PARD3B: variants seen among roughly 807,000 people sequenced by gnomAD.
The protein encoded by PARD3B is par-3 family cell polarity regulator beta.
Under a neutral mutation model 130.2 loss-of-function variants are expected in PARD3B, and 103 were observed. The ratio of observed to expected loss-of-function variants is 0.79; its 90% CI spans 0.67 to 0.93. PARD3B has a LOEUF of 0.93. Among genes scored for constraint, PARD3B ranks in the 40% least tolerant of loss-of-function variants. The pLI, the probability that PARD3B is intolerant of heterozygous loss-of-function variation, is 0.00. For synonymous variants in PARD3B, 583 were observed against 553.2 expected (o/e 1.05, Z -0.76); for missense variants, 1,609 against 1,499.2 (o/e 1.07, Z -1.21).
chr2:205,023,468 T>C (rs1238955890), intron 3 of PARD3B, among the ~76,000 whole-genome samples: 2 of 151,430 alleles, frequency 1.3e-5, no homozygotes, highest in African/African-American at 2.4e-5. Context: ...TTTTTTTTTT[T>C]TTTTTGGTAA....
intron 1 of PARD3B, among the ~76,000 whole-genome samples, chr2:204,602,309 G>A (rs1038237723): frequency 3.3e-5 from 5 of 151,858 alleles, no homozygotes; most frequent in Non-Finnish European, 5.9e-5. Flanking sequence ...GGTGTGTCTC[G>A]TCCAAGATGT....
chr2:205,500,942 C>A (rs2050136649), intron 21 of PARD3B, among the ~76,000 whole-genome samples: 1 of 152,176 alleles, frequency 6.6e-6, no homozygotes, highest in African/African-American at 2.4e-5. Context: ...ACTCTGTTAT[C>A]CCCGGTGCCC....
At chr2:205,486,357 C>T (rs2049442180) in intron 20 of PARD3B, among the ~76,000 whole-genome samples, 1 of 152,176 alleles carries the variant, frequency 6.6e-6, no homozygotes, top group South Asian at 2.1e-4. Flanking sequence ...CACTTTGCAT[C>T]TAGGCTAATG....
At chr2:204,941,221 A>G (rs993068702) in intron 2 of PARD3B, among the ~76,000 whole-genome samples, 2 of 152,202 alleles carry the variant, frequency 1.3e-5, no homozygotes, top group Admixed American at 6.5e-5. Flanking sequence ...TAAAAATACA[A>G]AAATTAGCAG....
At chr2:205,362,833 T>C (rs929964790) in intron 18 of PARD3B, among the ~76,000 whole-genome samples, 3 of 152,246 alleles carry the variant, frequency 2.0e-5, no homozygotes, top group Admixed American at 2.0e-4. Context: ...CCGGCTTGCC[T>C]GACTTCTGCT....
chr2:205,568,060 A>G lies in PARD3B; in HGVS notation c.3260+14657A>G, dbSNP rs530127557. 4.6e-5 allele frequency among the ~76,000 whole-genome samples: 7 copies of G among 152,290 alleles called. No homozygotes were observed. Among genetic ancestry groups the G allele is most frequent in the African/African-American group, 1.7e-4 (7 of 41,572 alleles). ...CCCAGCACTTCTTCCTGTCCAGTGC[A>G]CTGGTAACAGAAGCCTCAAGCCAGG... On this transcript the variant is annotated intron_variant, in intron 22 of 22. Transcript: ENST00000406610. The surrounding 1 kb of genome is among the most constrained non-coding windows in gnomAD (Gnocchi z 5.3).
At chr2:204,618,986 C>T (rs1320089665) in intron 1 of PARD3B, among the ~76,000 whole-genome samples, 2 of 152,100 alleles carry the variant, frequency 1.3e-5, no homozygotes, top group Non-Finnish European at 2.9e-5. Context: ...TTCCATCTGT[C>T]TTTACATTAG....
At position 205,078,403 on chromosome 2, in the gene PARD3B, T is replaced by C. The variant is rs1351873278; in HGVS notation, c.505-26023T>C. ...TATGTTTTCAGGTGAGAGTATTTCT[T>C]TTCTAAAGATAGACCAAAGACCCAC... is the stretch of plus-strand genomic sequence containing the variant. On this transcript the variant is annotated intron_variant, in intron 4 of 22. Coordinates refer to ENST00000406610, the MANE Select transcript of PARD3B (RefSeq NM_001302769.2). This position sits in a 1 kb window ranked among gnomAD's most constrained non-coding sequence, Gnocchi z 4.0. Among the ~76,000 whole-genome samples the C allele has an allele frequency of 6.6e-6, 1 of 152,230 alleles. No homozygotes were observed. Among genetic ancestry groups the C allele is most frequent in the Non-Finnish European group, 1.5e-5 (1 of 68,038 alleles).
intron 20 of PARD3B, among the ~76,000 whole-genome samples, chr2:205,475,755 C>A (rs1218866757): frequency 6.6e-6 from 1 of 152,134 alleles, no homozygotes; most frequent in Admixed American, 6.6e-5. Context: ...GCGTTGACTC[C>A]AGAAGCCTGC....
At chr2:205,395,920 A>G (rs959421408) in intron 18 of PARD3B, among the ~76,000 whole-genome samples, 5 of 152,168 alleles carry the variant, frequency 3.3e-5, no homozygotes, top group Non-Finnish European at 7.3e-5. Flanking sequence ...GCCTTGAATG[A>G]CTGAGAAATG....
Position 205,105,061 on chromosome 2 carries a change from A to G in PARD3B, c.593+547A>G, listed in dbSNP as rs1295893965. ...TTTCCCAGTACTTTCTTTGCTTTGC[A>G]TTGATTCCCAGTTCAGCTCTAGGTA... On this transcript the variant is annotated intron_variant, in intron 5 of 22. Coordinates refer to ENST00000406610, the MANE Select transcript of PARD3B (RefSeq NM_001302769.2). The surrounding 1 kb of genome is among the most constrained non-coding windows in gnomAD (Gnocchi z 4.0). 2.6e-5 allele frequency among the ~76,000 whole-genome samples: 4 copies of G among 152,280 alleles called. No individual in the cohort carries two copies. The highest frequency in any genetic ancestry group is 4.1e-4 in the South Asian group (2 of 4,824).
intron 2 of PARD3B, among the ~76,000 whole-genome samples, chr2:204,762,116 A>ATTTTTT (rs968166780): frequency 7.4e-3 from 705 of 95,158 alleles, no homozygotes; most frequent in Non-Finnish European, 0.01. Flanking sequence ...TTCTTTTTCT[A>ATTTTTT]TTTTTTTTTT....
At chr2:204,970,420 G>C (rs576866054) in intron 3 of PARD3B, among the ~76,000 whole-genome samples, 1 of 152,256 alleles carries the variant, frequency 6.6e-6, no homozygotes, top group South Asian at 2.1e-4. Context: ...AGGCTATCCA[G>C]GTCACTCCCT....
At chr2:204,814,521 T>C (rs1161377094) in intron 2 of PARD3B, among the ~76,000 whole-genome samples, 7 of 151,922 alleles carry the variant, frequency 4.6e-5, no homozygotes, top group African/African-American at 7.2e-5. Flanking sequence ...TAAAGAGTTA[T>C]ATTTTTTCCT....
At chr2:204,882,798 T>G (rs189222393) in intron 2 of PARD3B, among the ~76,000 whole-genome samples, 6 of 152,318 alleles carry the variant, frequency 3.9e-5, no homozygotes, top group South Asian at 2.1e-4. Context: ...GGTCAGGTGA[T>G]TATGAATCTC....
At chr2:205,153,655 G>T (rs935163095) in intron 10 of PARD3B, among the ~76,000 whole-genome samples, 25 of 152,254 alleles carry the variant, frequency 1.6e-4, no homozygotes, top group Non-Finnish European at 2.6e-4. Context: ...TTACTACAAG[G>T]CTACAGTAAC....
chr2:205,196,634 C>A lies in PARD3B; in HGVS notation c.2140+3314C>A, dbSNP rs111929976. ...TTAGAGGCTTTAAAAATATTTAGGA[C>A]TCTATCATATATTTTTATCCATGGG... On this transcript the variant is annotated intron_variant, in intron 15 of 22. Transcript: ENST00000406610. 8.0e-3 allele frequency among the ~76,000 whole-genome samples: 1,224 copies of A among 152,148 alleles called. 17 individuals carry two copies. Among genetic ancestry groups the A allele is most frequent in the African/African-American group, 0.014 (573 of 41,530 alleles).
Position 205,104,573 on chromosome 2 carries a change from T to C in PARD3B, c.593+59T>C. The C allele has an allele frequency of 6.8e-6, 8 of 1,168,624 alleles. No individual in the cohort carries two copies. In the South Asian group the frequency reaches 9.2e-5, roughly 13 times the overall value. 72.4% of individuals were successfully genotyped at this position (1,168,624 alleles called of 1,614,324 possible). A position where few individuals can be genotyped will look rare whatever the true frequency, so the allele number is the denominator to read the frequency against. On this transcript the variant is annotated intron_variant, in intron 5 of 22. Coordinates refer to ENST00000406610, the MANE Select transcript of PARD3B (RefSeq NM_001302769.2). ...TATTTCAATTTGATGTGTTTTTTAATAGTTTATAATTGTTCTTACTTTACA... is the reference window on the plus strand; with the variant it reads ...TATTTCAATTTGATGTGTTTTTTAACAGTTTATAATTGTTCTTACTTTACA...
chr2:204,693,698 A>G (rs2125259056), intron 2 of PARD3B, among the ~76,000 whole-genome samples: 1 of 152,132 alleles, frequency 6.6e-6, no homozygotes, highest in East Asian at 1.9e-4. Flanking sequence ...ATGCCTCCAA[A>G]CTTTCTCTAA....
Sources: gnomAD v4.1 joint callset for allele counts (sites outside exome capture counted in the v4.1 genomes callset) on GRCh38, gnomAD v4.1.1 for gene constraint, Gnocchi (gnomAD v3.1) non-coding constraint, MANE v1.5 for transcripts, NCBI Gene and HGNC (gene_info 2026-07-23, HGNC 2026-07-21) for gene names.